Variants in ITSN2 observed in about 807,000 individuals in gnomAD.
The protein encoded by ITSN2 is intersectin-2.
In ITSN2, 156 loss-of-function variants were observed where a neutral mutation model predicts 243.7. The ratio of observed to expected loss-of-function variants is 0.64; its 90% CI spans 0.56 to 0.73. The LOEUF (loss-of-function observed/expected upper bound fraction) is 0.73, where lower values mean the gene tolerates loss of function less well. Among genes scored for constraint, ITSN2 ranks in the 30% least tolerant of loss-of-function variants. ITSN2 has a pLI of 0.00. For missense variants in ITSN2, 1,801 were observed against 1,996.1 expected, an observed-to-expected ratio of 0.90 and a Z score of 1.86; for synonymous variants, 703 against 699.9, an observed-to-expected ratio of 1.00 and a Z score of -0.07.
intron 1 of ITSN2, among the ~76,000 whole-genome samples, chr2:24,350,889 C>T (rs1558669639): frequency 6.6e-6 from 1 of 152,146 alleles, no homozygotes; most frequent in Non-Finnish European, 1.5e-5. Flanking sequence ...ATAGGAGGTT[C>T]TTTTAAGAAC....
At chr2:24,268,887 T>C (rs1461868338) in intron 20 of ITSN2, among the ~76,000 whole-genome samples, 1 of 152,158 alleles carries the variant, frequency 6.6e-6, no homozygotes. Context: ...TCTTCCAATT[T>C]ATTCCAACTC....
At chr2:24,233,257 T>C (rs557631646) in intron 29 of ITSN2, among the ~76,000 whole-genome samples, 8 of 152,346 alleles carry the variant, frequency 5.3e-5, no homozygotes, top group African/African-American at 1.9e-4. Flanking sequence ...CACTTGTTTA[T>C]GACTACATAC....
chr2:24,203,689 G>A lies in ITSN2; in HGVS notation c.5031C>T (p.Val1677=), dbSNP rs756494095. 3.7e-6 allele frequency: 6 copies of A among 1,614,054 alleles called. 1 individual carries two copies. The South Asian group carries it at 6.6e-5, about 18-fold the overall frequency. ...AACGGACCCAGACCTCCCCGGTGGG[G>A]ACCTCATGCAGCAGCAGTCGGCGGG... ...PMTRRLLLHE[V]PTGEVWVRFD... The change falls in exon 40 of 40, where the codon GTC becomes GTT. Residue 1677 remains valine, a synonymous_variant. Transcript: ENST00000355123.
chr2:24,275,707 T>TATTA lies in ITSN2; in HGVS notation c.2081+2_2081+5dup. 6 of 1,604,384 alleles carry TATTA rather than the reference T, an allele frequency of 3.7e-6. No homozygotes were observed. Among genetic ancestry groups the TATTA allele is most frequent in the Non-Finnish European group, 5.1e-6 (6 of 1,173,232 alleles). On this transcript the variant is annotated splice_donor_region_variant and intron_variant, in intron 18 of 39. Transcript: ENST00000355123. ...TATAGCACAATAAATATATCAGCTA[T>TATTA]ATTACCTTGCAGCCTCATCTTCTAG...
intron 20 of ITSN2, among the ~76,000 whole-genome samples, chr2:24,269,538 C>A (rs1677091728): frequency 6.6e-6 from 1 of 152,154 alleles, no homozygotes; most frequent in Non-Finnish European, 1.5e-5. Context: ...GTTGTCACTG[C>A]CACCAGAATG....
At chr2:24,340,353 C>T (rs1392313237) in intron 1 of ITSN2, among the ~76,000 whole-genome samples, 2 of 151,958 alleles carry the variant, frequency 1.3e-5, no homozygotes, top group Non-Finnish European at 2.9e-5. Context: ...TGGTGGCACA[C>T]GCTTGTAGTC....
At chr2:24,206,623 G>A (rs1668915910) in intron 37 of ITSN2, among the ~76,000 whole-genome samples, 1 of 152,192 alleles carries the variant, frequency 6.6e-6, no homozygotes, top group Non-Finnish European at 1.5e-5. Context: ...CTGAGCAGGT[G>A]AGTGATCTGT....
intron 2 of ITSN2, chr2:24,321,909 C>T (rs926430332): frequency 6.6e-6 from 1 of 152,134 alleles, no homozygotes. Context: ...TTATTATTCT[C>T]ATTTTATAGG....
At chr2:24,203,850 G>C in intron 39 of ITSN2, 67 bp from the exon 40 acceptor site, 1 of 1,470,762 alleles carries the variant, frequency 6.8e-7, no homozygotes, top group African/African-American at 1.4e-5. Flanking sequence ...AGCTACATCC[G>C]GAAGAAGTGG....
chr2:24,352,021 T>C (rs1688064751), intron 1 of ITSN2, among the ~76,000 whole-genome samples: 1 of 152,220 alleles, frequency 6.6e-6, no homozygotes, highest in Admixed American at 6.5e-5. Flanking sequence ...TAACAGTATA[T>C]TGTTATAATT....
intron 37 of ITSN2, among the ~76,000 whole-genome samples, chr2:24,207,211 A>G (rs1668984127): frequency 6.6e-6 from 1 of 152,182 alleles, no homozygotes. Context: ...GAGAGGAAAG[A>G]GAGCCTTGTG....
intron 1 of ITSN2, among the ~76,000 whole-genome samples, chr2:24,335,524 C>T (rs907716136): frequency 1.3e-5 from 2 of 152,044 alleles, no homozygotes; most frequent in Non-Finnish European, 2.9e-5. Context: ...TGTAGAGATG[C>T]GGCCTCACTA....
chr2:24,290,811 A>G (rs993427237), intron 15 of ITSN2, among the ~76,000 whole-genome samples: 4 of 152,172 alleles, frequency 2.6e-5, no homozygotes, highest in Non-Finnish European at 5.9e-5. Flanking sequence ...ATTCAATTCC[A>G]TTGTTCTACT....
At position 24,204,829 on chromosome 2, in the gene ITSN2, A is replaced by G. The variant is rs1363611009; in HGVS notation, c.4762+385T>C. The G allele has an allele frequency of 4.6e-6, 2 of 431,668 alleles. No homozygotes were observed. The highest frequency in any genetic ancestry group is 1.7e-5 in the South Asian group (1 of 59,074). 26.7% of individuals were successfully genotyped at this position (431,668 alleles called of 1,614,324 possible). Reference sequence around the variant, plus strand: ...ACTGTTAGAAAGCATTCCTTTATTCAGTGTTCAGAAGAGTCATCAGTGGCT... The same window carrying G: ...ACTGTTAGAAAGCATTCCTTTATTCGGTGTTCAGAAGAGTCATCAGTGGCT... On this transcript the variant is annotated intron_variant, in intron 38 of 39. Coordinates refer to ENST00000355123, the MANE Select transcript of ITSN2 (RefSeq NM_006277.3). The surrounding 1 kb of genome is among the most constrained non-coding windows in gnomAD (Gnocchi z 5.1).
At chr2:24,358,696 G>T (rs1688680196) in intron 1 of ITSN2, among the ~76,000 whole-genome samples, 1 of 152,176 alleles carries the variant, frequency 6.6e-6, no homozygotes, top group African/African-American at 2.4e-5. Flanking sequence ...CTTCTTGAAA[G>T]CTGCTGAGTT....
Position 24,308,655 on chromosome 2 carries a change from A to C in ITSN2, c.755T>G (p.Phe252Cys). ...QPTRLKYRQK[F>C]NTLDKSMSGY... ...ACTCATACTTTTGTCAAGAGTATTA[A>C]ATTTTTGCCGATATTTTAATCTTGT... Residue 252 changes from phenylalanine to cysteine, a missense_variant, in exon 8 of 40, where the codon TTT becomes TGT. Physicochemically the swap from Phe to Cys is radical, Grantham distance 205. Around this residue, in one of 5 missense-constraint regions of ITSN2, gnomAD observed 787 missense variants for 803.9 expected, o/e 0.98. Coordinates refer to ENST00000355123, the MANE Select transcript of ITSN2 (RefSeq NM_006277.3). 2 of 1,539,084 alleles carry C rather than the reference A, an allele frequency of 1.3e-6. No individual in the cohort carries two copies. Among genetic ancestry groups the C allele is most frequent in the Non-Finnish European group, 1.8e-6 (2 of 1,137,942 alleles).
In ITSN2 at chr2:24,216,168, G is replaced by A. The variant is rs1264787406; in HGVS notation, c.3871C>T (p.Leu1291=). 1 of 1,612,420 alleles carries A rather than the reference G, an allele frequency of 6.2e-7. No homozygotes were observed. Among genetic ancestry groups the A allele is most frequent in the East Asian group, 2.2e-5 (1 of 44,680 alleles). ...KMPVQMIGDI[L]AAELSHMQAY... ...TGCATGTGGGACAGCTCAGCGGCCA[G>A]GATGTCCCCAATCATCTGCACCGGC... Residue 1291 remains leucine, a synonymous_variant, in exon 32 of 40, where the codon CTG becomes TTG. Transcript: ENST00000355123.
Position 24,203,508 on chromosome 2 carries a change from G to T in ITSN2, c.*118C>A. ...TGCAGGAAAACAGAGCCCCCAGCGT[G>T]CATGGCTTTGTGAGGGGTGAAGCTG... On this transcript the variant is annotated 3_prime_UTR_variant, in exon 40 of 40. Coordinates refer to ENST00000355123, the MANE Select transcript of ITSN2 (RefSeq NM_006277.3). The T allele has an allele frequency of 3.0e-6, 3 of 990,958 alleles. No homozygotes were observed. The highest frequency in any genetic ancestry group is 4.4e-6 in the Non-Finnish European group (3 of 685,466). 61.4% of individuals were successfully genotyped at this position (990,958 alleles called of 1,614,324 possible). A position where few individuals can be genotyped will look rare whatever the true frequency, so the allele number is the denominator to read the frequency against.
intron 29 of ITSN2, among the ~76,000 whole-genome samples, chr2:24,244,972 T>C (rs1462740727): frequency 6.6e-6 from 1 of 152,220 alleles, no homozygotes; most frequent in Non-Finnish European, 1.5e-5. Context: ...TTACCTTTTA[T>C]ATATTCTCAG....
Sources: allele counts gnomAD v4.1 joint callset (sites outside exome capture counted in the v4.1 genomes callset), GRCh38; gene constraint gnomAD v4.1.1; regional missense constraint gnomAD v4.1.1; non-coding constraint Gnocchi (gnomAD v3.1); transcripts MANE v1.5; gene names NCBI Gene and HGNC (gene_info 2026-07-23, HGNC 2026-07-21).